TXNRD1: variants seen among roughly 807,000 people sequenced by gnomAD.
TXNRD1 encodes thioredoxin reductase 1.
In TXNRD1, 57 loss-of-function variants were observed where a neutral mutation model predicts 80.3. The ratio of observed to expected loss-of-function variants is 0.71; its 90% CI spans 0.57 to 0.89. The LOEUF is 0.89. Among genes scored for constraint, TXNRD1 ranks in the 40% least tolerant of loss-of-function variants. The pLI, the probability that TXNRD1 is intolerant of heterozygous loss-of-function variation, is 0.00. For synonymous variants in TXNRD1, 291 were observed against 285.2 expected, an observed-to-expected ratio of 1.02 and a Z score of -0.20; for missense variants, 730 against 803.0, an observed-to-expected ratio of 0.91 and a Z score of 1.10.
intron 3 of TXNRD1, among the ~76,000 whole-genome samples, chr12:104,277,698 G>GTT (rs773611023): frequency 1.9e-3 from 276 of 149,068 alleles, no homozygotes; most frequent in Non-Finnish European, 3.4e-3. Context: ...GGTTACCGGG[G>GTT]TTTTTTTTTT....
At chr12:104,266,524 CAAAA>C (rs60829935) in intron 3 of TXNRD1, among the ~76,000 whole-genome samples, 1 of 111,494 alleles carries the variant, frequency 9.0e-6, no homozygotes. Context: ...GAATTCATCT[CAAAA>C]AAAAAAAAAA....
intron 13 of TXNRD1, among the ~76,000 whole-genome samples, chr12:104,330,060 T>C (rs34649762): frequency 6.6e-6 from 1 of 152,264 alleles, no homozygotes; most frequent in Non-Finnish European, 1.5e-5. Context: ...GATACACCAC[T>C]GTGGTATAAG....
chr12:104,246,186 G>A (rs2032988941), intron 1 of TXNRD1, among the ~76,000 whole-genome samples: 1 of 146,298 alleles, frequency 6.8e-6, no homozygotes, highest in Non-Finnish European at 1.5e-5. Flanking sequence ...CCAGCGCTTT[G>A]GGAGGCCGAG....
At chr12:104,228,964 C>T (rs1383161270) in intron 1 of TXNRD1, among the ~76,000 whole-genome samples, 14 of 151,740 alleles carry the variant, frequency 9.2e-5, no homozygotes, top group Non-Finnish European at 2.9e-5. Flanking sequence ...GGTGATCCCC[C>T]CGCCTCGGCC....
chr12:104,339,892 A>G (rs2036265134), intron 16 of TXNRD1, among the ~76,000 whole-genome samples: 1 of 152,216 alleles, frequency 6.6e-6, no homozygotes, highest in Admixed American at 6.5e-5. Flanking sequence ...TGAAAATTGC[A>G]GTGATTATCT....
At chr12:104,287,044 G>A in intron 3 of TXNRD1, 1 of 1,396,008 alleles carries the variant, frequency 7.2e-7, no homozygotes, top group East Asian at 2.7e-5. Context: ...TCCGGCATTT[G>A]CAGCAGAGCG....
intron 1 of TXNRD1, among the ~76,000 whole-genome samples, chr12:104,221,672 G>T (rs1373676280): frequency 1.3e-5 from 2 of 152,064 alleles, no homozygotes; most frequent in Non-Finnish European, 2.9e-5. Context: ...ATTCAAGTAC[G>T]CTCCCAACTT....
intron 4 of TXNRD1, chr12:104,303,848 G>C: frequency 6.9e-7 from 1 of 1,444,248 alleles, no homozygotes; most frequent in Non-Finnish European, 9.1e-7. Context: ...TTCCCGGAAG[G>C]GAGACGAAGA....
intron 3 of TXNRD1, chr12:104,265,656 G>T: frequency 6.2e-7 from 1 of 1,606,358 alleles, no homozygotes; most frequent in Non-Finnish European, 8.5e-7. Context: ...TGGGTGCCCG[G>T]CACCGCGCCC....
intron 4 of TXNRD1, chr12:104,304,614 T>G (rs755834351): frequency 6.2e-7 from 1 of 1,613,944 alleles, no homozygotes; most frequent in Admixed American, 1.7e-5. Context: ...ATTTTGGGAT[T>G]GTTGCAAACC....
chr12:104,327,528 C>T lies in TXNRD1; in HGVS notation c.1399C>T (p.Pro467Ser). The stretch of plus-strand genomic sequence containing the variant: ...ATAAAATTGCAGGACTGGAAAAATA[C>T]CTGTCACAGATGAAGAACAGACCAA... ...VKINEKTGKI[P>S]VTDEEQTNVP... The change falls in exon 13 of 17, where the codon CCT becomes TCT. Residue 467 changes from proline (P) to serine (S), a missense_variant. Transcript: ENST00000525566. The T allele has an allele frequency of 1.2e-6, 2 of 1,611,614 alleles. No individual in the cohort carries two copies. The highest frequency in any genetic ancestry group is 2.2e-5 in the East Asian group (1 of 44,814).
chr12:104,295,708 A>G (rs1361060982), intron 4 of TXNRD1, among the ~76,000 whole-genome samples: 1 of 152,198 alleles, frequency 6.6e-6, no homozygotes, highest in Admixed American at 6.5e-5. Flanking sequence ...TCAGAATACA[A>G]GACCAAAGTT....
chr12:104,254,644 A>AAAAAATATATATATATATATATATATAT, intron 2 of TXNRD1, among the ~76,000 whole-genome samples: 1 of 93,638 alleles, frequency 1.1e-5, no homozygotes. Context: ...AAAAAAAAAA[A>AAAAAATATATATATATATATATATATAT]ATATATATAT....
intron 3 of TXNRD1, among the ~76,000 whole-genome samples, chr12:104,281,653 G>A (rs974674631): frequency 3.3e-5 from 5 of 151,708 alleles, no homozygotes; most frequent in Non-Finnish European, 7.4e-5. Flanking sequence ...TGATCCGCCC[G>A]CCTCAGCCTC....
At chr12:104,287,536 G>A in intron 3 of TXNRD1, 1 of 1,571,854 alleles carries the variant, frequency 6.4e-7, no homozygotes, top group Non-Finnish European at 8.6e-7. Context: ...AACTATGTAA[G>A]AATGCTTCTC....
chr12:104,238,263 AG>A (rs1261633845), intron 1 of TXNRD1, among the ~76,000 whole-genome samples: 1 of 152,230 alleles, frequency 6.6e-6, no homozygotes, highest in Admixed American at 6.5e-5. Flanking sequence ...GGACGTTAAC[AG>A]GTGTTCTCAA....
intron 3 of TXNRD1, among the ~76,000 whole-genome samples, chr12:104,283,472 G>A (rs1428279424): frequency 6.6e-6 from 1 of 151,720 alleles, no homozygotes; most frequent in East Asian, 2.0e-4. Context: ...GGCTGGCCTC[G>A]CACTCCTGAC....
chr12:104,295,572 A>T (rs1177489864), intron 4 of TXNRD1, among the ~76,000 whole-genome samples: 8 of 152,134 alleles, frequency 5.3e-5, no homozygotes, highest in Non-Finnish European at 1.0e-4. Flanking sequence ...CACTTACTGG[A>T]GGCTCCCGGG....
chr12:104,334,689 CTTAG>C (rs1282637951), intron 15 of TXNRD1, among the ~76,000 whole-genome samples: 1 of 152,152 alleles, frequency 6.6e-6, no homozygotes, highest in Middle Eastern at 3.2e-3. Flanking sequence ...TAATATATAG[CTTAG>C]TTGGTCACAT....
Sources: gnomAD v4.1 joint callset for allele counts (sites outside exome capture counted in the v4.1 genomes callset) on GRCh38, gnomAD v4.1.1 for gene constraint, MANE v1.5 for transcripts, NCBI Gene and HGNC (gene_info 2026-07-23, HGNC 2026-07-21) for gene names.